Variants in ABTB2 observed in about 807,000 individuals in gnomAD.
ABTB2 encodes the protein ankyrin repeat and BTB domain containing 2.
ABTB2 carries 56 observed loss-of-function variants against 104.1 expected under a neutral mutation model. The ratio of observed to expected loss-of-function variants is 0.54; its 90% confidence interval spans 0.43 to 0.67. The LOEUF (loss-of-function observed/expected upper bound fraction) is 0.67, where lower values mean the gene tolerates loss of function less well. ABTB2 is among the 30% of genes least tolerant of loss of function. The pLI is 0.00. For synonymous variants in ABTB2, 606 were observed against 608.2 expected (o/e 1.00, Z 0.05); for missense variants, 1,279 against 1,407.7 (o/e 0.91, Z 1.46).
chr11:34,236,575 C>A lies in ABTB2; in HGVS notation c.884-31885G>T, dbSNP rs546125062. 3.0e-4 allele frequency among the ~76,000 whole-genome samples: 45 copies of A among 152,270 alleles called. No individual in the cohort carries two copies. In the South Asian group the frequency reaches 6.0e-3, roughly 20 times the overall value. ...CAGAGGACCCCATTCTCTTTTGATG[C>A]CTCCCCGGCACCCCCTCCCCTCAAT... On this transcript the variant is annotated intron_variant, in intron 1 of 16. Coordinates refer to ENST00000435224, the MANE Select transcript of ABTB2 (RefSeq NM_145804.3).
chr11:34,272,233 A>T (rs1223231511), intron 1 of ABTB2, among the ~76,000 whole-genome samples: 1 of 147,880 alleles, frequency 6.8e-6, no homozygotes, highest in Non-Finnish European at 1.5e-5. Context: ...AATTCAATAC[A>T]CTGTTGATTG....
intron 10 of ABTB2, among the ~76,000 whole-genome samples, chr11:34,162,200 C>T (rs774690968): frequency 2.0e-5 from 3 of 152,216 alleles, no homozygotes; most frequent in Admixed American, 6.5e-5. Flanking sequence ...CAAGGTCAGC[C>T]GAGTGACAGG....
intron 1 of ABTB2, among the ~76,000 whole-genome samples, chr11:34,224,190 T>G (rs1195741744): frequency 6.6e-6 from 1 of 152,168 alleles, no homozygotes; most frequent in Non-Finnish European, 1.5e-5. Flanking sequence ...TTTTGTTTAT[T>G]TTTTTGGAGA....
intron 1 of ABTB2, among the ~76,000 whole-genome samples, chr11:34,251,598 G>A (rs1178577206): frequency 6.6e-6 from 1 of 152,202 alleles, no homozygotes; most frequent in African/African-American, 2.4e-5. Context: ...AGTACATGGA[G>A]GGTTCTTTAC....
intron 1 of ABTB2, among the ~76,000 whole-genome samples, chr11:34,256,847 A>G (rs191692398): frequency 1.3e-5 from 2 of 152,294 alleles, no homozygotes; most frequent in South Asian, 2.1e-4. Flanking sequence ...AACCTAAAAA[A>G]TCTTGCTGGC....
At chr11:34,305,415 A>T (rs921111115) in intron 1 of ABTB2, among the ~76,000 whole-genome samples, 11 of 152,244 alleles carry the variant, frequency 7.2e-5, no homozygotes, top group African/African-American at 2.7e-4. Context: ...CTATGCATGA[A>T]GCATCACCAG....
intron 1 of ABTB2, among the ~76,000 whole-genome samples, chr11:34,299,025 C>A (rs2133097658): frequency 6.6e-6 from 1 of 152,330 alleles, no homozygotes; most frequent in East Asian, 1.9e-4. Context: ...CTGCATTAAT[C>A]CTCTGCTCCA....
chr11:34,300,147 C>A (rs1854683751), intron 1 of ABTB2, among the ~76,000 whole-genome samples: 1 of 152,128 alleles, frequency 6.6e-6, no homozygotes, highest in African/African-American at 2.4e-5. Context: ...TTACAGCCCG[C>A]TGAATCTAAC....
At chr11:34,188,705 T>A (rs1853134651) in intron 3 of ABTB2, among the ~76,000 whole-genome samples, 2 of 152,204 alleles carry the variant, frequency 1.3e-5, no homozygotes, top group Non-Finnish European at 2.9e-5. Context: ...CAGAAGTCAG[T>A]AGCATAAAGC....
chr11:34,327,129 A>G (rs1376348844), intron 1 of ABTB2, among the ~76,000 whole-genome samples: 1 of 152,244 alleles, frequency 6.6e-6, no homozygotes, highest in Non-Finnish European at 1.5e-5. Flanking sequence ...TTATGAGAAC[A>G]GATAAACAAC....
In ABTB2 at chr11:34,161,928, C is replaced by T. The variant is rs149388041; in HGVS notation, c.2218+648G>A. 3.4e-3 allele frequency among the ~76,000 whole-genome samples: 515 copies of T among 152,238 alleles called. 2 individuals carry two copies. Among genetic ancestry groups the T allele is most frequent in the Middle Eastern group, 0.01 (3 of 294 alleles). On this transcript the variant is annotated intron_variant, in intron 10 of 16. Transcript: ENST00000435224. ...AGGCTGACTCACTGCTGTCTTGGCC[C>T]GGCCCTGGGGGTTTGTGGCCTTGTG...
intron 1 of ABTB2, among the ~76,000 whole-genome samples, chr11:34,305,146 A>G (rs1216392423): frequency 6.6e-6 from 1 of 152,196 alleles, no homozygotes. Context: ...ACCCCACATA[A>G]GTACACTTGA....
intron 1 of ABTB2, among the ~76,000 whole-genome samples, chr11:34,292,121 A>G (rs1218340696): frequency 6.6e-6 from 1 of 152,146 alleles, no homozygotes; most frequent in Non-Finnish European, 1.5e-5. Context: ...TCAAGCATAT[A>G]GTGTATTTCA....
chr11:34,175,665 C>A (rs189980086), intron 3 of ABTB2, among the ~76,000 whole-genome samples: 81 of 152,266 alleles, frequency 5.3e-4, no homozygotes, highest in Non-Finnish European at 7.1e-4. Context: ...TCCAATATTC[C>A]TGGGTTTGAA....
rs1157886289 is a variant in ABTB2 at position 34,182,497 on chromosome 11, TGGG to T, written c.1245-9193_1245-9191del. On this transcript the variant is annotated intron_variant, in intron 3 of 16. Transcript: ENST00000435224. ...GCTTGAGGTGGGGCATTGGGTTCTCTGGGGGGGGGGGGAAATTCACTTTTCCTA... is the reference window on the plus strand; with the variant it reads ...GCTTGAGGTGGGGCATTGGGTTCTCTGGGGGGGGGAAATTCACTTTTCCTA... Among the ~76,000 whole-genome samples, 5 of 69,942 alleles carry T rather than the reference TGGG, an allele frequency of 7.1e-5. 1 individual carries two copies. The highest frequency in any genetic ancestry group is 1.7e-4 in the African/African-American group (2 of 11,652). 45.9% of individuals were successfully genotyped at this position (69,942 alleles called of 152,430 possible).
At chr11:34,313,904 GC>G (rs1229817398) in intron 1 of ABTB2, among the ~76,000 whole-genome samples, 2 of 152,198 alleles carry the variant, frequency 1.3e-5, no homozygotes, top group Non-Finnish European at 2.9e-5. Context: ...CAAGGGACTT[GC>G]CCCAGCACTG....
intron 1 of ABTB2, among the ~76,000 whole-genome samples, chr11:34,344,918 C>G (rs988253075): frequency 6.6e-6 from 1 of 152,196 alleles, no homozygotes; most frequent in Non-Finnish European, 1.5e-5. Flanking sequence ...GCCACTCCCT[C>G]CTTCCAGGGC....
At chr11:34,169,787 TC>T (rs999936722) in intron 5 of ABTB2, among the ~76,000 whole-genome samples, 4 of 151,834 alleles carry the variant, frequency 2.6e-5, no homozygotes, top group Non-Finnish European at 4.4e-5. Flanking sequence ...ACTCCTTATG[TC>T]CCTTTCCCTG....
intron 1 of ABTB2, among the ~76,000 whole-genome samples, chr11:34,355,664 C>T (rs1388789889): frequency 2.0e-5 from 3 of 152,208 alleles, no homozygotes; most frequent in African/African-American, 7.2e-5. Flanking sequence ...CCACTGAAAG[C>T]TGCCCCCCAA....
Sources: gnomAD v4.1 joint callset for allele counts (sites outside exome capture counted in the v4.1 genomes callset) on GRCh38, gnomAD v4.1.1 for gene constraint, MANE v1.5 for transcripts, NCBI Gene and HGNC (gene_info 2026-07-23, HGNC 2026-07-21) for gene names.